Variants in ADAMTSL1 observed in about 807,000 individuals in gnomAD.
ADAMTSL1 encodes ADAMTS like 1.
Under a neutral mutation model 201.8 loss-of-function variants are expected in ADAMTSL1, and 126 were observed. The observed-to-expected ratio is 0.62, with a 90% CI of 0.54 to 0.72. ADAMTSL1 has a LOEUF of 0.72. Ranked by LOEUF, ADAMTSL1 falls within the 30% of genes least tolerant of loss-of-function variation. The pLI is 0.00. For missense variants in ADAMTSL1, 2,679 were observed against 2,277.8 expected, an observed-to-expected ratio of 1.18 and a Z score of -3.59; for synonymous variants, 1,121 against 903.4, an observed-to-expected ratio of 1.24 and a Z score of -4.32.
chr9:18,032,217 C>T (rs1379869693), intron 1 of ADAMTSL1, among the ~76,000 whole-genome samples: 1 of 152,188 alleles, frequency 6.6e-6, no homozygotes, highest in Non-Finnish European at 1.5e-5. Flanking sequence ...TACACTGGCA[C>T]ACAAACCAGC....
chr9:18,462,710 G>A (rs1163204820), intron 2 of ADAMTSL1, among the ~76,000 whole-genome samples: 1 of 151,984 alleles, frequency 6.6e-6, no homozygotes, highest in Non-Finnish European at 1.5e-5. Context: ...AAGCCAAGGT[G>A]GGTGGATTAC....
At chr9:18,300,844 G>A (rs1466104805) in intron 2 of ADAMTSL1, among the ~76,000 whole-genome samples, 1 of 152,104 alleles carries the variant, frequency 6.6e-6, no homozygotes, top group African/African-American at 2.4e-5. Flanking sequence ...GGGCTCCAGA[G>A]AGAAGTTTAC....
intron 2 of ADAMTSL1, among the ~76,000 whole-genome samples, chr9:18,328,369 T>A (rs1245285847): frequency 6.6e-6 from 1 of 152,212 alleles, no homozygotes; most frequent in Non-Finnish European, 1.5e-5. Flanking sequence ...ATATTCAATG[T>A]CCCTGAGGAC....
In ADAMTSL1 at chr9:18,600,807, AC is replaced by A. The variant is rs572549499; in HGVS notation, c.475-21435del. On this transcript the variant is annotated intron_variant, in intron 4 of 28. Transcript: ENST00000380548. ...ACTCAAATTTTTAAAATCTAAAGAA[AC>A]AAAAATATAAACTCTTAGCCTGTAC... is the stretch of plus-strand genomic sequence containing the variant. 2.3e-3 allele frequency among the ~76,000 whole-genome samples: 357 copies of A among 152,356 alleles called. 9 individuals are homozygous for A. The highest frequency in any genetic ancestry group is 0.021 in the Admixed American group (326 of 15,310).
At chr9:18,555,515 A>G (rs1354806847) in intron 3 of ADAMTSL1, among the ~76,000 whole-genome samples, 3 of 151,976 alleles carry the variant, frequency 2.0e-5, no homozygotes, top group Non-Finnish European at 4.4e-5. Context: ...AATGTTATTT[A>G]GCATTCATTT....
intron 2 of ADAMTSL1, among the ~76,000 whole-genome samples, chr9:18,517,650 T>A (rs1174729993): frequency 6.7e-6 from 1 of 148,474 alleles, no homozygotes; most frequent in Non-Finnish European, 1.5e-5. Flanking sequence ...TTCCCACCTA[T>A]GAGTGAGATT....
At chr9:18,453,946 C>T (rs1000158270) in intron 2 of ADAMTSL1, among the ~76,000 whole-genome samples, 5 of 152,268 alleles carry the variant, frequency 3.3e-5, no homozygotes, top group East Asian at 3.9e-4. Flanking sequence ...TCTAGAACCA[C>T]TCGTAGTACC....
rs751316315 is a variant in ADAMTSL1, at chr9:18,777,839, G to T, written c.3610G>T (p.Ala1204Ser). The T allele has an allele frequency of 8.7e-6, 14 of 1,603,754 alleles. No homozygotes were observed. The highest frequency in any genetic ancestry group is 1.2e-5 in the Non-Finnish European group (14 of 1,172,440). The part of the protein sequence containing the change: ...GTLSVLLHCE[A>S]IGHPRPTISW... ...ACTGAGTGTTCTTCTGCACTGTGAG[G>T]CCATCGGCCACCCAAGGCCTACCAT... Residue 1204 changes from alanine (A) to serine (S), a missense_variant, in exon 19 of 29, where the codon GCC (alanine) becomes TCC (serine). By Grantham distance (99) the Ala-to-Ser change is moderately conservative. Coordinates refer to ENST00000380548, the MANE Select transcript of ADAMTSL1 (RefSeq NM_001040272.6).
intron 3 of ADAMTSL1, among the ~76,000 whole-genome samples, chr9:18,565,287 A>G (rs577701421): frequency 3.3e-5 from 5 of 152,320 alleles, no homozygotes; most frequent in South Asian, 2.1e-4. Context: ...ATATATTAGA[A>G]AGAGTTCCAT....
At chr9:17,984,319 T>A (rs989350528) in intron 1 of ADAMTSL1, among the ~76,000 whole-genome samples, 1 of 152,118 alleles carries the variant, frequency 6.6e-6, no homozygotes, top group Non-Finnish European at 1.5e-5. Context: ...TCCTTCCCAA[T>A]GACTAGCTGG....
At chr9:18,759,975 C>T (rs992914766) in intron 16 of ADAMTSL1, among the ~76,000 whole-genome samples, 3 of 152,140 alleles carry the variant, frequency 2.0e-5, no homozygotes, top group Non-Finnish European at 2.9e-5. Context: ...GCTATGACCT[C>T]GACTGTGTGC....
chr9:18,164,907 T>C (rs1447594042), intron 2 of ADAMTSL1, among the ~76,000 whole-genome samples: 2 of 151,940 alleles, frequency 1.3e-5, no homozygotes, highest in African/African-American at 2.4e-5. Flanking sequence ...AAGGCACTTC[T>C]TATTGTTTTT....
chr9:18,888,065 G>A, intron 24 of ADAMTSL1, 22 bp downstream of exon 24: 2 of 1,603,690 alleles, frequency 1.2e-6, no homozygotes, highest in Non-Finnish European at 1.7e-6. Context: ...TGCAGACTTT[G>A]CATACTGGAC....
intron 13 of ADAMTSL1, among the ~76,000 whole-genome samples, chr9:18,685,598 A>C (rs1339549382): frequency 6.6e-6 from 1 of 152,238 alleles, no homozygotes; most frequent in Non-Finnish European, 1.5e-5. Context: ...GCTCTGTGCT[A>C]TTCACTGGCA....
At chr9:18,119,791 C>G (rs2131913808) in intron 1 of ADAMTSL1, among the ~76,000 whole-genome samples, 1 of 152,172 alleles carries the variant, frequency 6.6e-6, no homozygotes, top group East Asian at 1.9e-4. Context: ...TTCACTCTCA[C>G]CCTTTGCCAA....
chr9:18,828,108 A>G (rs909804248), intron 22 of ADAMTSL1, among the ~76,000 whole-genome samples: 8 of 152,354 alleles, frequency 5.3e-5, no homozygotes, highest in Admixed American at 3.9e-4. Context: ...CATATAGTCC[A>G]TTGGACAGAT....
intron 23 of ADAMTSL1, among the ~76,000 whole-genome samples, chr9:18,884,337 T>C (rs144559788): frequency 7.9e-4 from 121 of 152,336 alleles, no homozygotes; most frequent in African/African-American, 2.5e-3. Flanking sequence ...AGATCTATGA[T>C]TTGCAAATAT....
At chr9:18,124,077 GTTTTTTTT>G (rs1157492042) in intron 1 of ADAMTSL1, among the ~76,000 whole-genome samples, 1 of 70,836 alleles carries the variant, frequency 1.4e-5, no homozygotes, top group Non-Finnish European at 2.4e-5. Flanking sequence ...TTATTTGCCA[GTTTTTTTT>G]TTTTTTTTTT....
chr9:18,356,730 G>T (rs921672560), intron 2 of ADAMTSL1, among the ~76,000 whole-genome samples: 2 of 151,838 alleles, frequency 1.3e-5, no homozygotes, highest in African/African-American at 4.8e-5. Context: ...CAAGGGAAAA[G>T]CTCCATGATC....
Sources: allele counts gnomAD v4.1 joint callset (sites outside exome capture counted in the v4.1 genomes callset), GRCh38; gene constraint gnomAD v4.1.1; transcripts MANE v1.5; gene names NCBI Gene and HGNC (gene_info 2026-07-23, HGNC 2026-07-21).